Variants in PTGFRN observed in about 807,000 individuals in gnomAD.
The protein encoded by PTGFRN is prostaglandin F2 receptor inhibitor, also known as prostaglandin F2 receptor negative regulator.
A neutral mutation model predicts 83.2 loss-of-function variants in PTGFRN; 35 were observed. That is an observed-to-expected ratio of 0.42 (90% CI 0.32 to 0.56). The LOEUF is 0.56. Ranked by LOEUF, PTGFRN falls within the 20% of genes least tolerant of loss-of-function variation. PTGFRN has a pLI of 0.11. For synonymous variants in PTGFRN, 519 were observed against 498.6 expected (o/e 1.04, Z -0.55); for missense variants, 1,051 against 1,179.5 (o/e 0.89, Z 1.60).
chr1:116,949,373 C>T lies in PTGFRN; in HGVS notation c.1014C>T (p.Ser338=). ...SRVLARLDRD[S]LVHSSPHVAL... Reference sequence around the variant, plus strand: ...TGTTGGCGCGGCTTGACCGTGATTCCCTGGTGCACAGCTCGCCTCATGTTG... The same window carrying T: ...TGTTGGCGCGGCTTGACCGTGATTCTCTGGTGCACAGCTCGCCTCATGTTG... The change falls in exon 4 of 9, where the codon TCC becomes TCT. Residue 338 remains serine (S), a synonymous_variant. Transcript: ENST00000393203. 6.2e-7 allele frequency: 1 copy of T among 1,614,262 alleles called. No homozygotes were observed.
At chr1:116,916,273 G>A (rs1268374094) in intron 1 of PTGFRN, among the ~76,000 whole-genome samples, 5 of 152,176 alleles carry the variant, frequency 3.3e-5, no homozygotes, top group African/African-American at 4.8e-5. Flanking sequence ...AGAAGAACCC[G>A]TGGCTACTGT....
chr1:116,945,631 A>G (rs895678924), intron 3 of PTGFRN, among the ~76,000 whole-genome samples: 15 of 151,368 alleles, frequency 9.9e-5, no homozygotes, highest in African/African-American at 3.6e-4. Flanking sequence ...TGGAAGGGGG[A>G]GGAGCTCTCT....
rs75911929 is a variant in PTGFRN, at chr1:116,969,860, A to T, written c.2059+2530A>T. On this transcript the variant is annotated intron_variant, in intron 6 of 8. Transcript: ENST00000393203. ...TTCTTTTTGATGCTATTGTAAATAG[A>T]ATTGCTTTCTGAATTTACTTTTTGG... Among the ~76,000 whole-genome samples, 70 of 152,242 alleles carry T rather than the reference A, an allele frequency of 4.6e-4. No homozygotes were observed. In the East Asian group the frequency reaches 0.012, roughly 26 times the overall value.
intron 1 of PTGFRN, among the ~76,000 whole-genome samples, chr1:116,935,400 C>A (rs1024251565): frequency 6.6e-6 from 1 of 152,082 alleles, no homozygotes; most frequent in Admixed American, 6.6e-5. Flanking sequence ...TGATCTTGGA[C>A]CCTTGAGCCT....
chr1:116,934,132 G>A (rs945482103), intron 1 of PTGFRN, among the ~76,000 whole-genome samples: 3 of 151,666 alleles, frequency 2.0e-5, no homozygotes, highest in African/African-American at 7.3e-5. Context: ...GTTTTATTTT[G>A]TTTTGTTTTT....
intron 4 of PTGFRN, among the ~76,000 whole-genome samples, chr1:116,956,721 T>C (rs1650508512): frequency 6.6e-6 from 1 of 152,112 alleles, no homozygotes. Flanking sequence ...GAAGAAGCCA[T>C]GGGAGGTTTA....
chr1:116,941,750 G>A lies in PTGFRN; in HGVS notation c.85G>A (p.Ala29Thr). 1 of 1,614,012 alleles carries A rather than the reference G, an allele frequency of 6.2e-7. No homozygotes were observed. ...CRGRVVRVPT[A>T]TLVRVVGTEL... ...AGGGCGTGTGGTGAGAGTCCCCACA[G>A]CGACCCTGGTTCGAGTGGTGGGCAC... is the stretch of plus-strand genomic sequence containing the variant. The change falls in exon 2 of 9, where the codon GCG (alanine) becomes ACG (threonine). Residue 29 changes from alanine (A) to threonine (T), a missense_variant. Coordinates refer to ENST00000393203, the MANE Select transcript of PTGFRN (RefSeq NM_020440.4). This position sits in a 1 kb window ranked among gnomAD's most constrained non-coding sequence, Gnocchi z 5.0.
intron 6 of PTGFRN, among the ~76,000 whole-genome samples, chr1:116,971,017 A>G (rs1004638711): frequency 2.6e-5 from 4 of 152,234 alleles, no homozygotes; most frequent in Non-Finnish European, 2.9e-5. Flanking sequence ...TTCGTAATAT[A>G]TAGAAAATTT....
At position 116,961,719 on chromosome 1, in the gene PTGFRN, G is replaced by A. The variant is rs750816116; in HGVS notation, c.1639+51G>A. On this transcript the variant is annotated intron_variant, in intron 5 of 8. Transcript: ENST00000393203. This position sits in a 1 kb window ranked among gnomAD's most constrained non-coding sequence, Gnocchi z 5.4. ...TTTTTGTTTTGTCTTTGCTTAAGTC[G>A]TGCCGCTGTGTGTTGATGCACAGTC... 2.7e-5 allele frequency: 41 copies of A among 1,512,602 alleles called. No individual in the cohort carries two copies. The highest frequency in any genetic ancestry group is 5.2e-5 in the South Asian group (4 of 77,352). The allele number at this position is 1,512,602 out of a possible 1,614,324, so 93.7% of individuals were successfully genotyped here. A position where few individuals can be genotyped will look rare whatever the true frequency, so the allele number is the denominator to read the frequency against.
Position 116,984,693 on chromosome 1 carries a change from T to C in PTGFRN, c.2181T>C (p.Phe727=). The C allele has an allele frequency of 1.2e-6, 2 of 1,613,956 alleles. No homozygotes were observed. The highest frequency in any genetic ancestry group is 1.7e-6 in the Non-Finnish European group (2 of 1,179,886). The change falls in exon 8 of 9, where the codon TTT becomes TTC. Residue 727 remains phenylalanine, a synonymous_variant. Transcript: ENST00000393203. ...GGTAATCCGTAGATGACATGGCCTT[T>C]GATGTGTCCTGGTTTGCGGTGCACT... is the stretch of plus-strand genomic sequence containing the variant. ...GAALDPDDMA[F]DVSWFAVHSF... is the part of the protein sequence containing the mutation.
intron 4 of PTGFRN, among the ~76,000 whole-genome samples, chr1:116,960,667 T>G (rs1028957840): frequency 6.6e-6 from 1 of 152,042 alleles, no homozygotes; most frequent in Admixed American, 6.6e-5. Flanking sequence ...GCAGAAAAAG[T>G]CAGAGGAACG....
intron 1 of PTGFRN, among the ~76,000 whole-genome samples, chr1:116,937,159 G>A (rs1407802570): frequency 6.6e-6 from 1 of 152,132 alleles, no homozygotes; most frequent in Non-Finnish European, 1.5e-5. Flanking sequence ...CCCTGAGGTT[G>A]CAGTAGGTGA....
intron 1 of PTGFRN, among the ~76,000 whole-genome samples, chr1:116,926,672 G>A (rs1188951450): frequency 6.6e-6 from 1 of 152,114 alleles, no homozygotes; most frequent in Non-Finnish European, 1.5e-5. Context: ...AAACTATAAA[G>A]CAATGCTATG....
rs534713504 is a variant in PTGFRN, at chr1:116,990,140, T to C, written c.*3173T>C. On this transcript the variant is annotated 3_prime_UTR_variant, in exon 9 of 9. Transcript: ENST00000393203. Reference sequence around the variant, plus strand: ...TTGACCAAATTCTCAGTGATAAATATGTGTGCAGATCCCTAGAAGAGAAAA... The same window carrying C: ...TTGACCAAATTCTCAGTGATAAATACGTGTGCAGATCCCTAGAAGAGAAAA... The C allele has an allele frequency of 6.5e-6, 1 of 152,760 alleles. No individual in the cohort carries two copies. The highest frequency in any genetic ancestry group is 2.4e-5 in the African/African-American group (1 of 41,568). 9.5% of individuals were successfully genotyped at this position (152,760 alleles called of 1,614,324 possible).
In PTGFRN at chr1:116,958,426, A is replaced by C. The variant is rs1485127915; in HGVS notation, c.1214-2817A>C. ...TGGTTCATCTGTGAGCTAAGGATGC[A>C]CTTGAAAGGTGGTAGAAGACAGGGC... On this transcript the variant is annotated intron_variant, in intron 4 of 8. Coordinates refer to ENST00000393203, the MANE Select transcript of PTGFRN (RefSeq NM_020440.4). This position sits in a 1 kb window ranked among gnomAD's most constrained non-coding sequence, Gnocchi z 4.9. 6.6e-6 allele frequency among the ~76,000 whole-genome samples: 1 copy of C among 152,214 alleles called. No individual in the cohort carries two copies. The highest frequency in any genetic ancestry group is 1.5e-5 in the Non-Finnish European group (1 of 68,036).
intron 4 of PTGFRN, among the ~76,000 whole-genome samples, chr1:116,956,544 G>A (rs1459709316): frequency 1.3e-5 from 2 of 152,356 alleles, no homozygotes; most frequent in East Asian, 3.9e-4. Flanking sequence ...AGGTGCTGAG[G>A]CAGACAGAGC....
chr1:116,949,038 C>G (rs1650267423), intron 3 of PTGFRN, among the ~76,000 whole-genome samples, 154 bp from the exon 4 acceptor site: 2 of 152,152 alleles, frequency 1.3e-5, no homozygotes, highest in Admixed American at 6.5e-5. Context: ...TTAATTTATT[C>G]ATTAAATATT....
At position 116,934,137 on chromosome 1, in the gene PTGFRN, G is replaced by T. The variant is rs539881894; in HGVS notation, c.50-7578G>T. On this transcript the variant is annotated intron_variant, in intron 1 of 8. Coordinates refer to ENST00000393203, the MANE Select transcript of PTGFRN (RefSeq NM_020440.4). ...ACTGACTTTTGTTTTATTTTGTTTTGTTTTTGTGATTGTTTTGTTTTTTTT... is the reference window on the plus strand; with the variant it reads ...ACTGACTTTTGTTTTATTTTGTTTTTTTTTTGTGATTGTTTTGTTTTTTTT... Among the ~76,000 whole-genome samples, 9 of 151,792 alleles carry T rather than the reference G, an allele frequency of 5.9e-5. No homozygotes were observed. In the East Asian group the frequency reaches 1.4e-3, roughly 23 times the overall value.
At chr1:116,917,624 C>A (rs1228923312) in intron 1 of PTGFRN, among the ~76,000 whole-genome samples, 2 of 152,102 alleles carry the variant, frequency 1.3e-5, no homozygotes, top group African/African-American at 4.8e-5. Context: ...TATATGTTCC[C>A]TTGTTCCCTG....
Sources: allele counts gnomAD v4.1 joint callset (sites outside exome capture counted in the v4.1 genomes callset), GRCh38; gene constraint gnomAD v4.1.1; non-coding constraint Gnocchi (gnomAD v3.1); transcripts MANE v1.5; gene names NCBI Gene and HGNC (gene_info 2026-07-23, HGNC 2026-07-21).